Variants in CCSER1 observed in about 807,000 individuals in gnomAD.
CCSER1 encodes serine-rich coiled-coil domain-containing protein 1.
In CCSER1, 41 loss-of-function variants were observed where a neutral mutation model predicts 82.0. The ratio of observed to expected loss-of-function variants is 0.50; its 90% CI spans 0.39 to 0.65. CCSER1 has a LOEUF of 0.65. Ranked by LOEUF, CCSER1 falls within the 30% of genes least tolerant of loss-of-function variation. The pLI is 0.00. For synonymous variants in CCSER1, 414 were observed against 383.9 expected, an observed-to-expected ratio of 1.08 and a Z score of -0.92; for missense variants, 1,119 against 1,064.2, an observed-to-expected ratio of 1.05 and a Z score of -0.72.
intron 7 of CCSER1, among the ~76,000 whole-genome samples, chr4:90,757,940 T>C (rs939762368): frequency 6.6e-6 from 1 of 151,474 alleles, no homozygotes; most frequent in African/African-American, 2.4e-5. Context: ...TTTCTTTTTT[T>C]TTTTTTTTTT....
chr4:91,181,345 C>T (rs1734015489), intron 10 of CCSER1, among the ~76,000 whole-genome samples: 1 of 152,190 alleles, frequency 6.6e-6, no homozygotes, highest in South Asian at 2.1e-4. Flanking sequence ...ACAGAACTTC[C>T]AGGTGTTTTT....
intron 1 of CCSER1, among the ~76,000 whole-genome samples, chr4:90,249,702 A>G (rs1399691189): frequency 6.6e-6 from 1 of 152,100 alleles, no homozygotes; most frequent in Non-Finnish European, 1.5e-5. Context: ...ATAATATTCC[A>G]TTGTATGGAT....
intron 8 of CCSER1, among the ~76,000 whole-genome samples, chr4:90,916,373 A>G (rs1419277955): frequency 2.6e-5 from 4 of 152,162 alleles, no homozygotes; most frequent in Non-Finnish European, 5.9e-5. Flanking sequence ...ATCTACAACT[A>G]TCTGATCTTT....
At chr4:90,432,624 C>A (rs140607248) in intron 4 of CCSER1, among the ~76,000 whole-genome samples, 1,546 of 140,954 alleles carry the variant, frequency 0.011, 24 homozygotes, top group Non-Finnish European at 0.015. Flanking sequence ...TCTTTATTTT[C>A]TTTTCTTCTG....
At chr4:91,159,379 C>G (rs1731146216) in intron 10 of CCSER1, among the ~76,000 whole-genome samples, 1 of 151,922 alleles carries the variant, frequency 6.6e-6, no homozygotes, top group African/African-American at 2.4e-5. Flanking sequence ...TTGCCTTACT[C>G]TCCTATATTC....
Position 90,749,741 on chromosome 4 carries a change from A to G in CCSER1, c.2010+25750A>G, listed in dbSNP as rs972782188. Among the ~76,000 whole-genome samples, 9 of 152,120 alleles carry G rather than the reference A, an allele frequency of 5.9e-5. No individual in the cohort carries two copies. The South Asian group carries it at 1.2e-3, about 21-fold the overall frequency. On this transcript the variant is annotated intron_variant, in intron 7 of 10. Transcript: ENST00000509176. ...AGTCTTTGCTATTGTGAATAGTGCC[A>G]CAGTAAACATACGTGTGCATGTGTC...
At position 91,338,018 on chromosome 4, in the gene CCSER1, T is replaced by G. The variant is rs1448548139; in HGVS notation, c.2217+252024T>G. Among the ~76,000 whole-genome samples the G allele has an allele frequency of 4.6e-5, 7 of 152,254 alleles. No individual in the cohort carries two copies. In the South Asian group the frequency reaches 1.2e-3, roughly 27 times the overall value. ...TATAGCTAATGCCTTTGTCCTTCTC[T>G]TCTTATAAAATCCCTTGAGAATAGC... On this transcript the variant is annotated intron_variant, in intron 10 of 10. Transcript: ENST00000509176.
At chr4:91,039,978 C>CA (rs1226721947) in intron 9 of CCSER1, among the ~76,000 whole-genome samples, 1 of 151,986 alleles carries the variant, frequency 6.6e-6, no homozygotes, top group Non-Finnish European at 1.5e-5. Context: ...AAGAAATAAA[C>CA]AAAAAACTCT....
intron 10 of CCSER1, among the ~76,000 whole-genome samples, chr4:91,332,872 T>G (rs1747053277): frequency 6.6e-6 from 1 of 152,064 alleles, no homozygotes; most frequent in Non-Finnish European, 1.5e-5. Context: ...CTTTATTTCT[T>G]CAGGGAGACA....
chr4:91,479,293 T>C (rs530896582), intron 10 of CCSER1, among the ~76,000 whole-genome samples: 1 of 152,004 alleles, frequency 6.6e-6, no homozygotes, highest in Non-Finnish European at 1.5e-5. Flanking sequence ...ATTACATGGA[T>C]TCCGTGAAAA....
intron 6 of CCSER1, among the ~76,000 whole-genome samples, chr4:90,647,908 C>T (rs1036075066): frequency 6.6e-6 from 1 of 151,970 alleles, no homozygotes. Context: ...ATGTGAAAAA[C>T]AGCAACAACA....
In CCSER1 at chr4:90,455,004, C is replaced by T. The variant is rs559779275; in HGVS notation, c.1604-13230C>T. On this transcript the variant is annotated intron_variant, in intron 4 of 10. Transcript: ENST00000509176. Reference sequence around the variant, plus strand: ...ATAAGGGAAGTGGAAGGAGATGATTCCCCCAATGGAGGTACCTCTGGGGTT... The same window carrying T: ...ATAAGGGAAGTGGAAGGAGATGATTTCCCCAATGGAGGTACCTCTGGGGTT... Among the ~76,000 whole-genome samples the T allele has an allele frequency of 3.3e-5, 5 of 152,214 alleles. No individual in the cohort carries two copies. The South Asian group carries it at 1.0e-3, about 32-fold the overall frequency.
chr4:90,894,823 G>A (rs1214062600), intron 8 of CCSER1, among the ~76,000 whole-genome samples: 1 of 151,920 alleles, frequency 6.6e-6, no homozygotes, highest in Non-Finnish European at 1.5e-5. Context: ...TTTACTATAT[G>A]AGTGATTACA....
chr4:90,929,977 T>G (rs546621481), intron 9 of CCSER1, among the ~76,000 whole-genome samples: 1 of 152,340 alleles, frequency 6.6e-6, no homozygotes, highest in East Asian at 1.9e-4. Context: ...AATATCACAT[T>G]GTATGCCATA....
chr4:90,944,356 G>A (rs1731979197), intron 9 of CCSER1, among the ~76,000 whole-genome samples: 1 of 151,944 alleles, frequency 6.6e-6, no homozygotes, highest in African/African-American at 2.4e-5. Flanking sequence ...TGTCAAATTA[G>A]ACTCATACCA....
chr4:90,646,611 G>C (rs1336941313), intron 6 of CCSER1, among the ~76,000 whole-genome samples: 1 of 152,044 alleles, frequency 6.6e-6, no homozygotes, highest in African/African-American at 2.4e-5. Context: ...GCCATTTCTT[G>C]GTATCCTTAT....
chr4:90,546,348 TGTG>T (rs1209075547), intron 5 of CCSER1, among the ~76,000 whole-genome samples: 2 of 152,102 alleles, frequency 1.3e-5, no homozygotes, highest in African/African-American at 4.8e-5. Context: ...TTAGATAAAA[TGTG>T]GTAACTAGAG....
intron 1 of CCSER1, among the ~76,000 whole-genome samples, chr4:90,169,025 A>T (rs1031980603): frequency 6.6e-5 from 10 of 152,016 alleles, no homozygotes; most frequent in African/African-American, 2.4e-4. Context: ...AGTCATTGGT[A>T]GCTTGATGGG....
chr4:91,437,833 G>A (rs960417232), intron 10 of CCSER1, among the ~76,000 whole-genome samples: 11 of 152,232 alleles, frequency 7.2e-5, no homozygotes, highest in Admixed American at 1.3e-4. Context: ...ATTATATCTC[G>A]CACCTGGTTT....
Sources: allele counts gnomAD v4.1 joint callset (sites outside exome capture counted in the v4.1 genomes callset), GRCh38; gene constraint gnomAD v4.1.1; transcripts MANE v1.5; gene names NCBI Gene and HGNC (gene_info 2026-07-23, HGNC 2026-07-21).